Variants in MAGI2 observed in about 807,000 individuals in gnomAD.
MAGI2 encodes membrane associated guanylate kinase, WW and PDZ domain containing 2, also known as membrane-associated guanylate kinase, WW and PDZ domain-containing protein 2.
Under a neutral mutation model 133.3 loss-of-function variants are expected in MAGI2, and 35 were observed. The ratio of observed to expected loss-of-function variants is 0.26; its 90% CI spans 0.20 to 0.35. MAGI2 has a LOEUF of 0.35. Among genes scored for constraint, MAGI2 ranks in the 10% least tolerant of loss-of-function variants. The probability of loss-of-function intolerance (pLI) is 1.00; values close to 1 mark genes in which losing one functional copy is unlikely to be tolerated. For missense variants in MAGI2, 1,636 were observed against 1,863.4 expected (o/e 0.88, Z 2.25); for synonymous variants, 729 against 710.6 (o/e 1.03, Z -0.41).
intron 1 of MAGI2, among the ~76,000 whole-genome samples, chr7:79,423,495 A>G (rs549283419): frequency 1.3e-5 from 2 of 152,234 alleles, no homozygotes; most frequent in African/African-American, 2.4e-5. Context: ...CTCTACTACT[A>G]TGTCCTAGAT....
At chr7:78,740,053 C>T (rs1398227889) in intron 2 of MAGI2, among the ~76,000 whole-genome samples, 1 of 151,776 alleles carries the variant, frequency 6.6e-6, no homozygotes, top group Non-Finnish European at 1.5e-5. Context: ...CCCAGCTACT[C>T]GGGAGGCTGA....
intron 21 of MAGI2, among the ~76,000 whole-genome samples, chr7:78,044,678 C>CCTGTGTGTGTGTGT (rs71515384): frequency 5.3e-4 from 67 of 126,408 alleles, no homozygotes; most frequent in African/African-American, 2.4e-3. Context: ...GCTAATGTAC[C>CCTGTGTGTGTGTGT]GTGTGTGTGT....
chr7:78,755,190 G>T (rs903398922), intron 2 of MAGI2, among the ~76,000 whole-genome samples: 6 of 152,182 alleles, frequency 3.9e-5, no homozygotes, highest in Non-Finnish European at 7.3e-5. Context: ...GACACTAAAT[G>T]ATCCTGAGCT....
At chr7:79,134,111 T>C (rs1465167079) in intron 1 of MAGI2, among the ~76,000 whole-genome samples, 1 of 152,198 alleles carries the variant, frequency 6.6e-6, no homozygotes, top group Non-Finnish European at 1.5e-5. Flanking sequence ...AAAGTTAAAA[T>C]CTTAGTCTAT....
At chr7:78,895,523 A>AT (rs1190690461) in intron 2 of MAGI2, among the ~76,000 whole-genome samples, 2 of 37,618 alleles carry the variant, frequency 5.3e-5, no homozygotes, top group Non-Finnish European at 2.0e-4. Flanking sequence ...GTAGAGCTTT[A>AT]AAAAAAAAAG....
intron 10 of MAGI2, among the ~76,000 whole-genome samples, chr7:78,228,528 G>A (rs1177220748): frequency 6.6e-6 from 1 of 152,148 alleles, no homozygotes; most frequent in Non-Finnish European, 1.5e-5. Flanking sequence ...CATTTTACAA[G>A]ACTCACAACC....
At chr7:78,380,223 TA>T (rs1468107803) in intron 6 of MAGI2, among the ~76,000 whole-genome samples, 37 of 151,916 alleles carry the variant, frequency 2.4e-4, no homozygotes, top group African/African-American at 7.0e-4. Flanking sequence ...TTTCTTTTTT[TA>T]AAAAAGCAAA....
chr7:79,060,933 G>T (rs1384300803), intron 1 of MAGI2, among the ~76,000 whole-genome samples: 3 of 152,106 alleles, frequency 2.0e-5, no homozygotes, highest in Non-Finnish European at 2.9e-5. Context: ...AAAAGCCAGT[G>T]GTGGCTCCAG....
rs984203564 is a variant in MAGI2 at position 79,199,791 on chromosome 7, G to A, written c.302-192585C>T. Among the ~76,000 whole-genome samples, 3 of 152,042 alleles carry A rather than the reference G, an allele frequency of 2.0e-5. 1 individual carries two copies. The highest frequency in any genetic ancestry group is 7.3e-5 in the African/African-American group (3 of 41,352). The stretch of plus-strand genomic sequence containing the variant: ...GATGTCCTTGGCAGTGCAGCCGGGG[G>A]AGAGGTGAGGAAACCAAGCAAGACA... On this transcript the variant is annotated intron_variant, in intron 1 of 21. Transcript: ENST00000354212.
chr7:78,121,000 CAAAAAAAA>C (rs67572219), intron 20 of MAGI2, among the ~76,000 whole-genome samples: 1 of 75,194 alleles, frequency 1.3e-5, no homozygotes, highest in Admixed American at 1.7e-4. Context: ...GACTCCGTCT[CAAAAAAAA>C]AAAAAAAAAA....
intron 3 of MAGI2, among the ~76,000 whole-genome samples, chr7:78,588,628 TCTTA>T (rs1462992460): frequency 2.0e-5 from 3 of 152,318 alleles, no homozygotes; most frequent in Non-Finnish European, 4.4e-5. Flanking sequence ...TATCAGAGCC[TCTTA>T]CTTCCAGCTT....
intron 2 of MAGI2, among the ~76,000 whole-genome samples, chr7:78,739,304 G>A (rs144057711): frequency 0.011 from 1,746 of 152,284 alleles, 37 homozygotes; most frequent in African/African-American, 0.039. Flanking sequence ...TTGAATATAG[G>A]AATGCAGAGC....
intron 2 of MAGI2, among the ~76,000 whole-genome samples, chr7:78,745,932 G>T (rs1239606550): frequency 2.0e-5 from 3 of 152,136 alleles, no homozygotes. Flanking sequence ...CTGTTGAACA[G>T]AAAGAAAATA....
At chr7:79,385,794 A>T (rs1844132755) in intron 1 of MAGI2, among the ~76,000 whole-genome samples, 1 of 151,944 alleles carries the variant, frequency 6.6e-6, no homozygotes, top group Non-Finnish European at 1.5e-5. Flanking sequence ...AAGTTAATAC[A>T]ATCCTATTGT....
In MAGI2 at chr7:78,019,581, C is replaced by T; in HGVS notation, c.4102G>A (p.Ala1368Thr). 2.0e-6 allele frequency: 2 copies of T among 980,810 alleles called. No homozygotes were observed. Among genetic ancestry groups the T allele is most frequent in the African/African-American group, 3.5e-5 (2 of 56,642 alleles). The allele number at this position is 980,810 out of a possible 1,614,324, so 60.8% of individuals were successfully genotyped here. ...TCGGAGCCCGCCGCCGCACGGGGCG[C>T]CTCCTTCCCGCCCGCCCGCGCCGCG... is the stretch of plus-strand genomic sequence containing the variant. ...ADAARAGGKE[A>T]PRAAAGSELC... Residue 1368 changes from alanine to threonine, a missense_variant, in exon 22 of 22, where the codon GCG becomes ACG. Ala to Thr is a moderately conservative substitution (Grantham distance 58). Coordinates refer to ENST00000354212, the MANE Select transcript of MAGI2 (RefSeq NM_012301.4).
At chr7:78,126,065 A>G (rs1424678916) in intron 19 of MAGI2, among the ~76,000 whole-genome samples, 3 of 152,202 alleles carry the variant, frequency 2.0e-5, no homozygotes, top group Admixed American at 1.3e-4. Flanking sequence ...ATTACTGTGT[A>G]GCTTGTTTAC....
intron 2 of MAGI2, among the ~76,000 whole-genome samples, chr7:78,838,812 G>A (rs990147415): frequency 6.6e-6 from 1 of 151,972 alleles, no homozygotes; most frequent in African/African-American, 2.4e-5. Context: ...GACTATCAAA[G>A]TAAAATGTAA....
chr7:78,986,247 G>A (rs1805255058), intron 2 of MAGI2, among the ~76,000 whole-genome samples: 2 of 152,012 alleles, frequency 1.3e-5, no homozygotes, highest in South Asian at 4.2e-4. Flanking sequence ...TCTGAATACG[G>A]GAAAAATGAT....
At chr7:78,259,674 A>G (rs1345331983) in intron 9 of MAGI2, among the ~76,000 whole-genome samples, 5 of 152,158 alleles carry the variant, frequency 3.3e-5, no homozygotes, top group Admixed American at 2.6e-4. Flanking sequence ...GAGAGGTAAC[A>G]AATGCCACTT....
Sources: allele counts gnomAD v4.1 joint callset (sites outside exome capture counted in the v4.1 genomes callset), GRCh38; gene constraint gnomAD v4.1.1; transcripts MANE v1.5; gene names NCBI Gene and HGNC (gene_info 2026-07-23, HGNC 2026-07-21).